Variants in ITGA7 observed in about 807,000 individuals in gnomAD.
The protein encoded by ITGA7 is integrin subunit alpha 7.
A neutral mutation model predicts 131.6 loss-of-function variants in ITGA7; 84 were observed. The ratio of observed to expected loss-of-function variants is 0.64; its 90% CI spans 0.54 to 0.77. The LOEUF (loss-of-function observed/expected upper bound fraction) is 0.77. Among genes scored for constraint, ITGA7 ranks in the 30% least tolerant of loss-of-function variants. The pLI is 0.00. For missense variants in ITGA7, 1,399 were observed against 1,482.9 expected (o/e 0.94, Z 0.93); for synonymous variants, 548 against 600.7 (o/e 0.91, Z 1.28).
At position 55,698,784 on chromosome 12, in the gene ITGA7, C is replaced by T. The variant is rs1873251787; in HGVS notation, c.924G>A (p.Glu308=). ...RKDSASRLVP[E]VMLSGERLTS... ...TCAGGCGCTCCCCAGACAGCATAAC[C>T]TCGGGCACCAGGCGACTGGCGCTGT... Residue 308 remains glutamate, a synonymous_variant, in exon 6 of 25, where the codon GAG becomes GAA. Coordinates refer to ENST00000257879, the MANE Select transcript of ITGA7 (RefSeq NM_002206.3). The T allele has an allele frequency of 6.2e-7, 1 of 1,614,038 alleles. No homozygotes were observed. Among genetic ancestry groups the T allele is most frequent in the Non-Finnish European group, 8.5e-7 (1 of 1,180,032 alleles).
intron 3 of ITGA7, among the ~76,000 whole-genome samples, chr12:55,702,099 T>C (rs1874160746): frequency 6.6e-6 from 1 of 152,076 alleles, no homozygotes; most frequent in African/African-American, 2.4e-5. Flanking sequence ...CACTGCAACC[T>C]CCTCCACCCA....
At chr12:55,687,900 G>C (rs984487913) in intron 24 of ITGA7, 71 bp downstream of exon 24, 2 of 1,605,618 alleles carry the variant, frequency 1.2e-6, no homozygotes, top group Non-Finnish European at 1.7e-6. Flanking sequence ...GTGGGTGACA[G>C]AACCACAATA....
chr12:55,697,590 G>C (rs764774005), intron 9 of ITGA7, 44 bp from the exon 10 acceptor site: 1 of 1,608,772 alleles, frequency 6.2e-7, no homozygotes. Flanking sequence ...GAGAACATGA[G>C]GCTGGGAAAC....
intron 14 of ITGA7, 50 bp downstream of exon 14, chr12:55,695,472 T>A (rs367756084): frequency 8.4e-7 from 1 of 1,186,756 alleles, no homozygotes; most frequent in Non-Finnish European, 1.3e-6. Context: ...TTTCTCTCAA[T>A]CCTTGAACTC....
chr12:55,695,034 G>T, intron 14 of ITGA7, 64 bp from the exon 15 acceptor site: 1 of 1,510,442 alleles, frequency 6.6e-7, no homozygotes, highest in Non-Finnish European at 9.0e-7. Flanking sequence ...CCCCCGCCCA[G>T]TCTGCTCCCC....
chr12:55,699,763 T>G, intron 5 of ITGA7, 107 bp downstream of exon 5: 4 of 1,334,590 alleles, frequency 3.0e-6, no homozygotes, highest in Non-Finnish European at 4.2e-6. Context: ...TCCCTGGGTG[T>G]GTGTTGGGGG....
At chr12:55,696,086 G>T (rs1035197465) in intron 13 of ITGA7, among the ~76,000 whole-genome samples, 197 bp downstream of exon 13, 1 of 152,230 alleles carries the variant, frequency 6.6e-6, no homozygotes, top group African/African-American at 2.4e-5. Flanking sequence ...TGAGCCCCCT[G>T]AATGACTACA....
intron 22 of ITGA7, 88 bp downstream of exon 22, chr12:55,688,756 G>T: frequency 4.1e-6 from 4 of 973,750 alleles, no homozygotes; most frequent in Admixed American, 3.5e-5. Context: ...TGCTGCATTT[G>T]GACAGTGAGG....
chr12:55,697,709 G>A lies in ITGA7; in HGVS notation c.1395C>T (p.Thr465=), dbSNP rs199722672. 83 of 1,614,040 alleles carry A rather than the reference G, an allele frequency of 5.1e-5. No homozygotes were observed. The highest frequency in any genetic ancestry group is 1.1e-4 in the African/African-American group (8 of 74,902). The part of the protein sequence containing the change: ...PDLLVGSLAD[T]AVLFRARPIL... Reference sequence around the variant, plus strand: ...GAGGGGCTCACCTGAAGAGCACTGCGGTGTCAGCCAGGGAGCCCACCAGCA... The same window carrying A: ...GAGGGGCTCACCTGAAGAGCACTGCAGTGTCAGCCAGGGAGCCCACCAGCA... The change falls in exon 9 of 25, where the codon ACC becomes ACT. Residue 465 remains threonine (T), a synonymous_variant. Coordinates refer to ENST00000257879, the MANE Select transcript of ITGA7 (RefSeq NM_002206.3).
At position 55,685,146 on chromosome 12, in the gene ITGA7, C is replaced by T. The variant is rs200827653; in HGVS notation, c.3326G>A (p.Arg1109Gln). The T allele has an allele frequency of 4.3e-6, 7 of 1,613,672 alleles. No homozygotes were observed. The highest frequency in any genetic ancestry group is 1.3e-5 in the African/African-American group (1 of 74,940). Residue 1109 changes from arginine (R) to glutamine (Q), a missense_variant, in exon 25 of 25, where the codon CGG becomes CAG. By Grantham distance (43) the Arg-to-Gln change is conservative (BLOSUM62 1). Coordinates refer to ENST00000257879, the MANE Select transcript of ITGA7 (RefSeq NM_002206.3). Reference protein sequence around the residue: ...ILRNNWGSPRREGPDAHPILA... With the variant: ...ILRNNWGSPRQEGPDAHPILA... ...GATGGGGTGTGCATCCGGGCCCTCC[C>T]GCCGGGGGCTGCCCCAGTTGTTCCT...
At chr12:55,716,168 C>T (rs759619884), upstream of ITGA7, 2 of 1,612,360 alleles carry the variant, frequency 1.2e-6, no homozygotes, top group Admixed American at 3.3e-5. Context: ...AACACCAGGC[C>T]AAGCAGAATG....
At chr12:55,700,850 G>A in intron 4 of ITGA7, 49 bp downstream of exon 4, 1 of 1,612,766 alleles carries the variant, frequency 6.2e-7, no homozygotes, top group South Asian at 1.1e-5. Context: ...TGTCTCTGAG[G>A]TAAGAGGAGG....
At chr12:55,695,987 GC>G (rs1872549834) in intron 13 of ITGA7, among the ~76,000 whole-genome samples, 1 of 152,116 alleles carries the variant, frequency 6.6e-6, no homozygotes, top group East Asian at 1.9e-4. Context: ...CAAGCAAGGG[GC>G]CTCATGTTCT....
chr12:55,696,046 G>T (rs1243026202), intron 13 of ITGA7, among the ~76,000 whole-genome samples: 1 of 152,186 alleles, frequency 6.6e-6, no homozygotes, highest in Non-Finnish European at 1.5e-5. Flanking sequence ...CTTGAAGGCC[G>T]CATTTGAAGA....
At position 55,695,615 on chromosome 12, in the gene ITGA7, C is replaced by A. The variant is rs1279583778; in HGVS notation, c.1910G>T (p.Cys637Phe). The A allele has an allele frequency of 6.2e-7, 1 of 1,613,934 alleles. No individual in the cohort carries two copies. Among genetic ancestry groups the A allele is most frequent in the Non-Finnish European group, 8.5e-7 (1 of 1,179,854 alleles). Residue 637 changes from cysteine (C) to phenylalanine (F), a missense_variant, in exon 14 of 25, where the codon TGT (cysteine) becomes TTT (phenylalanine). Transcript: ENST00000257879. ...GCTCTGGCAGATCTTGTCTTCACCACAGCCTTGCTTCAGGAAGTGGATCTG... is the reference window on the plus strand; with the variant it reads ...GCTCTGGCAGATCTTGTCTTCACCAAAGCCTTGCTTCAGGAAGTGGATCTG... ...RAEIHFLKQG[C>F]GEDKICQSNL...
At chr12:55,701,248 T>C in intron 3 of ITGA7, 94 bp from the exon 4 acceptor site, 1 of 1,592,744 alleles carries the variant, frequency 6.3e-7, no homozygotes, top group Non-Finnish European at 8.6e-7. Context: ...CAGATACTGA[T>C]ACATGTGTGC....
At chr12:55,693,913 C>A in intron 19 of ITGA7, 108 bp downstream of exon 19, 2 of 889,182 alleles carry the variant, frequency 2.2e-6, no homozygotes, top group South Asian at 2.8e-5. Flanking sequence ...CCTCAAACTG[C>A]ATGCTGCCAC....
intron 13 of ITGA7, among the ~76,000 whole-genome samples, 198 bp from the exon 14 acceptor site, chr12:55,695,835 A>C (rs1259661584): frequency 6.6e-6 from 1 of 151,934 alleles, no homozygotes; most frequent in African/African-American, 2.4e-5. Context: ...TGATGGGAGC[A>C]CTACCATGCC....
At chr12:55,706,935 C>T (rs1432207550) in intron 1 of ITGA7, among the ~76,000 whole-genome samples, 2 of 152,214 alleles carry the variant, frequency 1.3e-5, no homozygotes, top group African/African-American at 2.4e-5. Flanking sequence ...CCAATCTTCC[C>T]GTGGTCTTAA....
Sources: allele counts gnomAD v4.1 joint callset (sites outside exome capture counted in the v4.1 genomes callset), GRCh38; gene constraint gnomAD v4.1.1; transcripts MANE v1.5; gene names NCBI Gene and HGNC (gene_info 2026-07-23, HGNC 2026-07-21).